GPC3: variants seen among roughly 807,000 people sequenced by gnomAD.
GPC3 encodes the protein glypican 3.
In GPC3, 3 loss-of-function variants were observed where a neutral mutation model predicts 34.4. The ratio of observed to expected loss-of-function variants is 0.09; its 90% CI spans 0.04 to 0.23. GPC3 has a LOEUF of 0.23. Ranked by LOEUF, GPC3 falls within the 10% of genes least tolerant of loss-of-function variation. The pLI, the probability that GPC3 is intolerant of heterozygous loss-of-function variation, is 1.00. For missense variants in GPC3, 351 were observed against 445.6 expected (o/e 0.79, Z 1.91); for synonymous variants, 177 against 174.0 (o/e 1.02, Z -0.13).
chrX:133,931,167 C>A (rs752734761), intron 2 of GPC3, among the ~76,000 whole-genome samples: 1 of 111,167 alleles, frequency 9.0e-6, no homozygotes, highest in South Asian at 3.9e-4. Context: ...ATATAATGAG[C>A]TTCTAACGAT....
intron 6 of GPC3, 95 bp from the exon 7 acceptor site, chrX:133,596,694 T>C: frequency 2.3e-6 from 2 of 865,443 alleles, no homozygotes; most frequent in South Asian, 2.0e-5. Flanking sequence ...AAATGTTCAA[T>C]GAATTACACA....
intron 5 of GPC3, among the ~76,000 whole-genome samples, chrX:133,687,092 A>ATTTTTTTTTTTTTTTTT (rs775110101): frequency 7.2e-5 from 5 of 69,280 alleles, no homozygotes; most frequent in African/African-American, 2.4e-4. Flanking sequence ...TGGCCGGCTA[A>ATTTTTTTTTTTTTTTTT]TTTTTTTTTT....
chrX:133,922,278 G>C (rs1156963782), intron 2 of GPC3, among the ~76,000 whole-genome samples: 2 of 112,070 alleles, frequency 1.8e-5, no homozygotes, highest in African/African-American at 6.5e-5. Context: ...AATCTCTCAA[G>C]GGATACTGTT....
At chrX:133,622,602 C>T (rs184374998) in intron 6 of GPC3, among the ~76,000 whole-genome samples, 1,411 of 111,051 alleles carry the variant, frequency 0.013, 24 homozygotes, top group African/African-American at 0.041. Flanking sequence ...TGAAATGAAG[C>T]GAGAAGTTTA....
At chrX:133,559,864 A>G (rs756827642) in intron 7 of GPC3, among the ~76,000 whole-genome samples, 5 of 110,245 alleles carry the variant, frequency 4.5e-5, no homozygotes, top group African/African-American at 1.6e-4. Context: ...CACATCATCT[A>G]CCCGCCCACC....
intron 3 of GPC3, among the ~76,000 whole-genome samples, chrX:133,718,460 C>G (rs776041980): frequency 9.0e-6 from 1 of 110,866 alleles, no homozygotes; most frequent in African/African-American, 3.3e-5. Flanking sequence ...AGAATAAAAC[C>G]ATTACCCTAG....
chrX:133,914,974 TATATATA>T (rs1272498611), intron 2 of GPC3, among the ~76,000 whole-genome samples: 1 of 94,419 alleles, frequency 1.1e-5, no homozygotes, highest in East Asian at 3.2e-4. Flanking sequence ...TATATATATA[TATATATA>T]AAGTTTTATA....
At chrX:133,911,984 G>C (rs1251519423) in intron 2 of GPC3, among the ~76,000 whole-genome samples, 4 of 111,925 alleles carry the variant, frequency 3.6e-5, no homozygotes, top group Non-Finnish European at 7.5e-5. Flanking sequence ...CTCACTGATG[G>C]GCATTTGGGC....
In GPC3 at chrX:133,901,841, T is replaced by C. The variant is rs187050859; in HGVS notation, c.337+51209A>G. Among the ~76,000 whole-genome samples the C allele has an allele frequency of 5.3e-5, 6 of 112,297 alleles. No homozygotes were observed. In the Admixed American group the frequency reaches 5.7e-4, roughly 11 times the overall value. On this transcript the variant is annotated intron_variant, in intron 2 of 7. Transcript: ENST00000370818. Reference sequence around the variant, plus strand: ...TTGAGGTATGTGTTTTTAAGAATGCTACCATCTGCAGAATGTCAAAAACGT... The same window carrying C: ...TTGAGGTATGTGTTTTTAAGAATGCCACCATCTGCAGAATGTCAAAAACGT...
chrX:133,802,882 T>TA (rs2075616622), intron 2 of GPC3, among the ~76,000 whole-genome samples: 1 of 107,216 alleles, frequency 9.3e-6, no homozygotes, highest in Non-Finnish European at 1.9e-5. Flanking sequence ...TGGAGATGTG[T>TA]AAAAAAATGC....
rs150284011 is a variant in GPC3 at position 133,927,579 on chromosome X, G to A, written c.337+25471C>T. 3.7e-5 allele frequency among the ~76,000 whole-genome samples: 4 copies of A among 109,470 alleles called. No individual in the cohort carries two copies. In the East Asian group the frequency reaches 1.1e-3, roughly 31 times the overall value. ...GCAGCCTCATCCTCCCTGGGCTCAG[G>A]TAATCCTCCTGCTTCAGCCTCCCAA... On this transcript the variant is annotated intron_variant, in intron 2 of 7. Coordinates refer to ENST00000370818, the MANE Select transcript of GPC3 (RefSeq NM_004484.4).
At chrX:133,892,453 C>T (rs752938538) in intron 2 of GPC3, among the ~76,000 whole-genome samples, 1 of 111,204 alleles carries the variant, frequency 9.0e-6, no homozygotes, top group Admixed American at 9.6e-5. Context: ...AAGTTACAGC[C>T]ACAAGTCAAA....
chrX:133,688,645 C>T (rs2071032346), intron 5 of GPC3, among the ~76,000 whole-genome samples: 1 of 111,216 alleles, frequency 9.0e-6, no homozygotes, highest in Admixed American at 9.6e-5. Context: ...AGTCTCATTC[C>T]CTATCAGGAT....
rs778645494 is a variant in GPC3, at chrX:133,823,734, C to T, written c.338-69558G>A. On this transcript the variant is annotated intron_variant, in intron 2 of 7. Transcript: ENST00000370818. ...GTGGCTGACACCTGTAACCTCAGTG[C>T]TTTGGGAGGATGAGGCGGGCAGATC... Among the ~76,000 whole-genome samples the T allele has an allele frequency of 2.9e-3, 319 of 111,013 alleles. 2 individuals carry two copies. Among genetic ancestry groups the T allele is most frequent in the African/African-American group, 0.01 (308 of 30,524 alleles).
chrX:133,604,349 A>G (rs1225257982), intron 6 of GPC3, among the ~76,000 whole-genome samples: 4 of 111,779 alleles, frequency 3.6e-5, no homozygotes, highest in African/African-American at 9.7e-5. Flanking sequence ...ATTTTCTCAG[A>G]TGCTGGGCAT....
intron 3 of GPC3, among the ~76,000 whole-genome samples, chrX:133,725,943 A>T (rs1437325489): frequency 8.9e-6 from 1 of 111,875 alleles, no homozygotes; most frequent in Non-Finnish European, 1.9e-5. Context: ...TGATGAACTG[A>T]CAAATCAGCA....
At chrX:133,964,433 G>A (rs1406112575) in intron 1 of GPC3, among the ~76,000 whole-genome samples, 4 of 111,373 alleles carry the variant, frequency 3.6e-5, no homozygotes, top group Non-Finnish European at 5.7e-5. Context: ...TTGCCTTCCC[G>A]TGGCAAAAAT....
intron 5 of GPC3, among the ~76,000 whole-genome samples, chrX:133,662,412 G>A (rs750427307): frequency 5.4e-5 from 6 of 111,849 alleles, no homozygotes; most frequent in African/African-American, 1.6e-4. Context: ...TTCCCTCTGC[G>A]TTCTCCATGA....
rs774324467 is a variant in GPC3 at position 133,983,244 on chromosome X, C to T, written c.175+2031G>A. On this transcript the variant is annotated intron_variant, in intron 1 of 7. Coordinates refer to ENST00000370818, the MANE Select transcript of GPC3 (RefSeq NM_004484.4). The stretch of plus-strand genomic sequence containing the variant: ...TGTTAAATAGAACTAAAGCAGGGAA[C>T]GTTGGGTTTATATGATGAAAACCCT... Among the ~76,000 whole-genome samples, 4 of 112,542 alleles carry T rather than the reference C, an allele frequency of 3.6e-5. No individual in the cohort carries two copies. In the East Asian group the frequency reaches 1.1e-3, roughly 31 times the overall value.
Sources: allele counts gnomAD v4.1 joint callset (sites outside exome capture counted in the v4.1 genomes callset), GRCh38; gene constraint gnomAD v4.1.1; transcripts MANE v1.5; gene names NCBI Gene and HGNC (gene_info 2026-07-23, HGNC 2026-07-21).